The following NFIB variants were observed in gnomAD, a reference collection of about 807,000 sequenced individuals.
The protein encoded by NFIB is nuclear factor I B.
In NFIB, 11 loss-of-function variants were observed where a neutral mutation model predicts 61.5. That is an observed-to-expected ratio of 0.18 (90% CI 0.11 to 0.30). The LOEUF is 0.30. Among genes scored for constraint, NFIB ranks in the 10% least tolerant of loss-of-function variants. The pLI, the probability that NFIB is intolerant of heterozygous loss-of-function variation, is 1.00. For missense variants in NFIB, 471 were observed against 608.9 expected, an observed-to-expected ratio of 0.77 and a Z score of 2.38; for synonymous variants, 260 against 216.5, an observed-to-expected ratio of 1.20 and a Z score of -1.76.
At chr9:14,133,957 T>C (rs2040702354) in intron 6 of NFIB, among the ~76,000 whole-genome samples, 1 of 152,174 alleles carries the variant, frequency 6.6e-6, no homozygotes, top group Non-Finnish European at 1.5e-5. Context: ...AGGCTCTGCC[T>C]TTACTTGAAA....
chr9:14,289,540 T>C (rs1011605468), intron 2 of NFIB, among the ~76,000 whole-genome samples: 2 of 151,060 alleles, frequency 1.3e-5, no homozygotes, highest in Non-Finnish European at 2.9e-5. Flanking sequence ...TGGTATACCA[T>C]ATAGATATAG....
At chr9:14,148,310 G>C (rs2042500993) in intron 5 of NFIB, among the ~76,000 whole-genome samples, 2 of 151,694 alleles carry the variant, frequency 1.3e-5, no homozygotes, top group Non-Finnish European at 2.9e-5. Context: ...TTTTTGTAGA[G>C]AGGGAGTTGT....
intron 7 of NFIB, among the ~76,000 whole-genome samples, chr9:14,122,444 G>C (rs1041397137): frequency 6.6e-6 from 1 of 152,152 alleles, no homozygotes; most frequent in African/African-American, 2.4e-5. Flanking sequence ...TTTTAAATAA[G>C]TGTCCATGTA....
intron 2 of NFIB, among the ~76,000 whole-genome samples, chr9:14,252,253 A>G (rs2055714710): frequency 6.6e-6 from 1 of 152,212 alleles, no homozygotes; most frequent in Non-Finnish European, 1.5e-5. Flanking sequence ...AGTCTTGAAC[A>G]TATTTCCCAA....
chr9:14,132,207 C>T (rs979538578), intron 6 of NFIB, among the ~76,000 whole-genome samples: 1 of 152,124 alleles, frequency 6.6e-6, no homozygotes, highest in Non-Finnish European at 1.5e-5. Flanking sequence ...AGTCCTTTTT[C>T]TAGGATAGAA....
intron 2 of NFIB, among the ~76,000 whole-genome samples, chr9:14,227,784 C>T (rs1399888334): frequency 2.0e-5 from 3 of 152,042 alleles, no homozygotes; most frequent in African/African-American, 7.2e-5. Flanking sequence ...AAAGGGAGGC[C>T]TCAATGGGTT....
At chr9:14,218,215 G>A (rs1223495419) in intron 2 of NFIB, among the ~76,000 whole-genome samples, 1 of 152,176 alleles carries the variant, frequency 6.6e-6, no homozygotes, top group East Asian at 1.9e-4. Context: ...AGGAAATAGG[G>A]ACAGACATTA....
At position 14,338,489 on chromosome 9, in the gene NFIB, T is replaced by C. The variant is rs2060911739; in HGVS notation, c.109-30969A>G. ...AGAACAACTGGAGTTTGAACCTCTT[T>C]GCAATCTATCAGCTGTGTGTTCATA... is the stretch of plus-strand genomic sequence containing the variant. On this transcript the variant is annotated intron_variant, in intron 1 of 8. Coordinates refer to the NFIB transcript ENST00000380934. Among the ~76,000 whole-genome samples the C allele has an allele frequency of 4.6e-5, 7 of 152,200 alleles. No individual in the cohort carries two copies. In the South Asian group the frequency reaches 1.5e-3, roughly 32 times the overall value.
chr9:14,196,006 T>TCA (rs1428910534), intron 2 of NFIB, among the ~76,000 whole-genome samples: 6 of 152,090 alleles, frequency 3.9e-5, no homozygotes, highest in African/African-American at 1.4e-4. Flanking sequence ...TATGATCCAA[T>TCA]CACCTGGTAG....
chr9:14,133,532 G>A (rs1444804039), intron 6 of NFIB, among the ~76,000 whole-genome samples: 1 of 152,120 alleles, frequency 6.6e-6, no homozygotes, highest in African/African-American at 2.4e-5. Context: ...TTTACTTCAG[G>A]CCACAAATCC....
chr9:14,144,330 C>T (rs1235068535), intron 6 of NFIB, among the ~76,000 whole-genome samples: 5 of 152,156 alleles, frequency 3.3e-5, no homozygotes, highest in Admixed American at 3.3e-4. Context: ...CACACATTCA[C>T]AAGGTTATTA....
intron 10 of NFIB, among the ~76,000 whole-genome samples, chr9:14,089,150 A>G (rs2033405825): frequency 6.6e-6 from 1 of 151,936 alleles, no homozygotes; most frequent in African/African-American, 2.4e-5. Flanking sequence ...TTTCCTTCCA[A>G]TTCATGGTTC....
chr9:14,410,717 C>T, the NFIB span, among the ~76,000 whole-genome samples: 5 of 152,118 alleles, frequency 3.3e-5, no homozygotes, highest in African/African-American at 7.2e-5. Context: ...ACTCCTTTTG[C>T]CACTAGTTTT....
chr9:14,506,454 C>G, the NFIB span, among the ~76,000 whole-genome samples: 1 of 152,112 alleles, frequency 6.6e-6, no homozygotes, highest in African/African-American at 2.4e-5. Flanking sequence ...TGTCCTGTTT[C>G]CTAACTCTTT....
chr9:14,524,164 G>C, the NFIB span, among the ~76,000 whole-genome samples: 1 of 152,192 alleles, frequency 6.6e-6, no homozygotes, highest in Non-Finnish European at 1.5e-5. Context: ...AATAAGATGT[G>C]GTCCCCATCC....
chr9:14,136,554 T>C (rs968643997), intron 6 of NFIB, among the ~76,000 whole-genome samples: 1 of 152,212 alleles, frequency 6.6e-6, no homozygotes, highest in Non-Finnish European at 1.5e-5. Flanking sequence ...GGAAAAGCCA[T>C]ACATTTAAAA....
chr9:14,296,421 A>G (rs1176563350), intron 2 of NFIB, among the ~76,000 whole-genome samples: 1 of 152,254 alleles, frequency 6.6e-6, no homozygotes, highest in East Asian at 1.9e-4. Context: ...GTCAAATTCT[A>G]TGCACATGAT....
chr9:14,480,858 C>A, the NFIB span, among the ~76,000 whole-genome samples: 1 of 152,010 alleles, frequency 6.6e-6, no homozygotes, highest in African/African-American at 2.4e-5. Context: ...TAGTATGAAG[C>A]CTTTCAGCTT....
At chr9:14,423,523 A>G in the NFIB span, among the ~76,000 whole-genome samples, 2 of 152,218 alleles carry the variant, frequency 1.3e-5, no homozygotes, top group Non-Finnish European at 2.9e-5. Flanking sequence ...TACACAGGAC[A>G]GAAGAAAAGT....
Sources: gnomAD v4.1 joint callset for allele counts (sites outside exome capture counted in the v4.1 genomes callset) on GRCh38, gnomAD v4.1.1 for gene constraint, MANE v1.5 for transcripts, NCBI Gene and HGNC (gene_info 2026-07-23, HGNC 2026-07-21) for gene names.